Variants in EGFR observed in about 807,000 individuals in gnomAD.
EGFR encodes avian erythroblastic leukemia viral (v-erb-b) oncogene homolog.
A neutral mutation model predicts 143.0 loss-of-function variants in EGFR; 58 were observed. The ratio of observed to expected loss-of-function variants is 0.41; its 90% CI spans 0.33 to 0.50. The LOEUF is 0.50. EGFR is among the 20% of genes least tolerant of loss of function. The pLI, the probability that EGFR is intolerant of heterozygous loss-of-function variation, is 0.39. For synonymous variants in EGFR, 613 were observed against 594.4 expected (o/e 1.03, Z -0.45); for missense variants, 1,307 against 1,579.0 (o/e 0.83, Z 2.92).
At chr7:55,169,388 G>A (rs1786235496) in intron 15 of EGFR, among the ~76,000 whole-genome samples, 1 of 152,158 alleles carries the variant, frequency 6.6e-6, no homozygotes, top group Admixed American at 6.5e-5. Context: ...GTGAGCCACT[G>A]CGCCCAGCAG....
At chr7:55,203,425 C>CATAG (rs1412784597) in intron 27 of EGFR, among the ~76,000 whole-genome samples, 2 of 62,176 alleles carry the variant, frequency 3.2e-5, no homozygotes, top group East Asian at 2.1e-3. Context: ...CAACACACAA[C>CATAG]ACAGACACGT....
intron 1 of EGFR, among the ~76,000 whole-genome samples, chr7:55,138,450 C>T (rs73696553): frequency 0.028 from 4,226 of 152,198 alleles, 218 homozygotes; most frequent in African/African-American, 0.097. Flanking sequence ...TTTATGTAAT[C>T]CTTAAAGTAC....
intron 1 of EGFR, among the ~76,000 whole-genome samples, chr7:55,104,797 A>G (rs777274650): frequency 4.6e-5 from 7 of 152,150 alleles, no homozygotes; most frequent in Non-Finnish European, 8.8e-5. Context: ...TTACTGCCCC[A>G]CATTTTTTCT....
rs1490986698 is a variant in EGFR, at chr7:55,149,441, T to C, written c.560-1853T>C. 2.0e-5 allele frequency among the ~76,000 whole-genome samples: 3 copies of C among 152,104 alleles called. No individual in the cohort carries two copies. In the South Asian group the frequency reaches 6.2e-4, roughly 32 times the overall value. ...ATAAAGTAAAATGTTATTTCTAATG[T>C]AATAAGTAGGTCAAAATAGAAAAAG... is the stretch of plus-strand genomic sequence containing the variant. On this transcript the variant is annotated intron_variant, in intron 4 of 27. Coordinates refer to ENST00000275493, the MANE Select transcript of EGFR (RefSeq NM_005228.5).
chr7:55,135,545 A>G (rs1207224130), intron 1 of EGFR, among the ~76,000 whole-genome samples: 2 of 152,178 alleles, frequency 1.3e-5, no homozygotes, highest in African/African-American at 4.8e-5. Flanking sequence ...GAAAAAACAT[A>G]AAATTTGCTT....
At chr7:55,130,186 G>C (rs963848507) in intron 1 of EGFR, among the ~76,000 whole-genome samples, 3 of 152,172 alleles carry the variant, frequency 2.0e-5, no homozygotes, top group Non-Finnish European at 4.4e-5. Context: ...GGGCAGTAAA[G>C]AGCCAGCTCA....
In EGFR at chr7:55,078,434, C is replaced by G. The variant is rs1790261921; in HGVS notation, c.88+59069C>G. On this transcript the variant is annotated intron_variant, in intron 1 of 27. Transcript: ENST00000275493. ...ATTTTTCACTTCGTGTTTGTCACTCCTAAAGCATGTGTGCTAGCTGCACCA... is the reference window on the plus strand; with the variant it reads ...ATTTTTCACTTCGTGTTTGTCACTCGTAAAGCATGTGTGCTAGCTGCACCA... Among the ~76,000 whole-genome samples, 2 of 152,222 alleles carry G rather than the reference C, an allele frequency of 1.3e-5. 1 individual carries two copies. Among genetic ancestry groups the G allele is most frequent in the South Asian group, 4.1e-4 (2 of 4,834 alleles).
chr7:55,024,437 C>T (rs1324445642), intron 1 of EGFR, among the ~76,000 whole-genome samples: 2 of 152,182 alleles, frequency 1.3e-5, no homozygotes, highest in Admixed American at 6.5e-5. Flanking sequence ...AGGAGAGACT[C>T]GGAGTCCAAG....
chr7:55,121,650 C>A (rs1006806858), intron 1 of EGFR, among the ~76,000 whole-genome samples: 4 of 152,176 alleles, frequency 2.6e-5, no homozygotes, highest in Non-Finnish European at 5.9e-5. Flanking sequence ...AAAAAACAGA[C>A]CCCTAGACAT....
chr7:55,044,890 G>T (rs1788100605), intron 1 of EGFR, among the ~76,000 whole-genome samples: 1 of 152,200 alleles, frequency 6.6e-6, no homozygotes, highest in African/African-American at 2.4e-5. Flanking sequence ...GTCCACAGAG[G>T]TTCTGCGATT....
rs190745793 is a variant in EGFR at position 55,127,613 on chromosome 7, A to T, written c.89-14673A>T. 6.2e-3 allele frequency among the ~76,000 whole-genome samples: 948 copies of T among 152,340 alleles called. 7 individuals are homozygous for T. Among genetic ancestry groups the T allele is most frequent in the South Asian group, 0.028 (133 of 4,826 alleles). On this transcript the variant is annotated intron_variant, in intron 1 of 27. Transcript: ENST00000275493. ...TTTGAATGGCTGTTCAACAGCATAG[A>T]AATTAGCTGAGTAGAAGGCACTCAT...
At chr7:55,157,604 T>C in intron 10 of EGFR, 59 bp from the exon 11 acceptor site, 1 of 1,397,584 alleles carries the variant, frequency 7.2e-7, no homozygotes, top group Non-Finnish European at 1.0e-6. Flanking sequence ...GAGTAATGTC[T>C]CATACAAAAA....
intron 1 of EGFR, among the ~76,000 whole-genome samples, chr7:55,082,936 T>A (rs1412600485): frequency 1.3e-5 from 2 of 152,178 alleles, no homozygotes; most frequent in African/African-American, 2.4e-5. Context: ...GCCTTGTAGA[T>A]GCAAAACTCC....
chr7:55,146,460 C>CG (rs1229515383), intron 3 of EGFR, 146 bp from the exon 4 acceptor site: 2 of 1,289,524 alleles, frequency 1.6e-6, no homozygotes, highest in Non-Finnish European at 2.2e-6. Flanking sequence ...GGCCGCCCCC[C>CG]GGGAAGTTCA....
chr7:55,023,082 C>G (rs1786667711), intron 1 of EGFR, among the ~76,000 whole-genome samples: 1 of 152,246 alleles, frequency 6.6e-6, no homozygotes, highest in South Asian at 2.1e-4. Context: ...GAAGGTAACC[C>G]CAGGCTGGTG....
At chr7:55,182,200 A>G (rs956684061) in intron 20 of EGFR, 1 of 154,208 alleles carries the variant, frequency 6.5e-6, no homozygotes, top group South Asian at 2.0e-4. Context: ...GCTAAGTCCT[A>G]TTTTTTTCTA....
In EGFR at chr7:55,163,733, T is replaced by C. The variant is rs17290103; in HGVS notation, c.1632T>C (p.Gly544=). 2,582 of 1,614,154 alleles carry C rather than the reference T, an allele frequency of 1.6e-3. 53 individuals are homozygous for C. The African/African-American group carries it at 0.029, about 18-fold the overall frequency. ...ACGGGTTTCCTCTTCCTCCTCTCAG[T>C]GAGCCAAGGGAGTTTGTGGAGAACT... ...ECVDKCNLLE[G]EPREFVENSE... Residue 544 remains glycine (G), a splice_region_variant and synonymous_variant, in exon 14 of 28, where the codon GGT becomes GGC. Coordinates refer to ENST00000275493, the MANE Select transcript of EGFR (RefSeq NM_005228.5).
chr7:55,055,126 G>C (rs555142119), intron 1 of EGFR, among the ~76,000 whole-genome samples: 1 of 152,102 alleles, frequency 6.6e-6, no homozygotes, highest in Non-Finnish European at 1.5e-5. Flanking sequence ...GGGTCGGCCC[G>C]TACCAGCCCC....
chr7:55,097,582 A>G (rs1791555585), intron 1 of EGFR, among the ~76,000 whole-genome samples: 1 of 152,246 alleles, frequency 6.6e-6, no homozygotes, highest in Non-Finnish European at 1.5e-5. Context: ...TGAAATTTGC[A>G]TAAGGAAAAC....
Sources: gnomAD v4.1 joint callset for allele counts (sites outside exome capture counted in the v4.1 genomes callset) on GRCh38, gnomAD v4.1.1 for gene constraint, MANE v1.5 for transcripts, NCBI Gene and HGNC (gene_info 2026-07-23, HGNC 2026-07-21) for gene names.